Variants in CNTRL observed in about 807,000 individuals in gnomAD.
CNTRL encodes centriolin.
In CNTRL, 233 loss-of-function variants were observed where a neutral mutation model predicts 303.7. That is an observed-to-expected ratio of 0.77 (90% CI 0.69 to 0.86). CNTRL has a LOEUF of 0.86. Among genes scored for constraint, CNTRL ranks in the 40% least tolerant of loss-of-function variants. CNTRL has a pLI of 0.00. For missense variants in CNTRL, 2,524 were observed against 2,650.6 expected (o/e 0.95, Z 1.05); for synonymous variants, 900 against 922.2 (o/e 0.98, Z 0.44).
intron 2 of CNTRL, among the ~76,000 whole-genome samples, chr9:121,083,801 G>A (rs984725725): frequency 1.3e-5 from 2 of 152,206 alleles, no homozygotes; most frequent in Non-Finnish European, 2.9e-5. Flanking sequence ...TGAGTAATGT[G>A]TAGCACTATG....
At chr9:121,078,371 G>A (rs1399690158) in intron 1 of CNTRL, among the ~76,000 whole-genome samples, 2 of 151,390 alleles carry the variant, frequency 1.3e-5, no homozygotes, top group Admixed American at 6.6e-5. Flanking sequence ...TCACACCACC[G>A]CACTCCAGCC....
chr9:121,152,619 T>A lies in CNTRL; in HGVS notation c.4098T>A (p.Leu1366=). Residue 1366 remains leucine (L), a synonymous_variant, in exon 26 of 44, where the codon CTT becomes CTA. Transcript: ENST00000373855. ...MEELHHNIDD[L]LQEKKSLECE... is the part of the protein sequence containing the mutation. Reference sequence around the variant, plus strand: ...AACTGCATCATAATATTGATGATCTTTTGCAAGAGAAGAAAAGCTTAGAGT... The same window carrying A: ...AACTGCATCATAATATTGATGATCTATTGCAAGAGAAGAAAAGCTTAGAGT... The A allele has an allele frequency of 6.2e-7, 1 of 1,614,072 alleles. No homozygotes were observed. The highest frequency in any genetic ancestry group is 8.5e-7 in the Non-Finnish European group (1 of 1,179,952).
chr9:121,094,449 ACC>A (rs1404757207), intron 4 of CNTRL, among the ~76,000 whole-genome samples: 7 of 152,188 alleles, frequency 4.6e-5, no homozygotes, highest in African/African-American at 1.7e-4. Flanking sequence ...TGAGGGCAGA[ACC>A]CTCATAACCT....
intron 11 of CNTRL, among the ~76,000 whole-genome samples, chr9:121,115,980 A>G (rs896123689): frequency 7.2e-5 from 11 of 152,214 alleles, no homozygotes; most frequent in Non-Finnish European, 1.5e-5. Context: ...TGATTAATGA[A>G]CAAAATAGAC....
intron 1 of CNTRL, among the ~76,000 whole-genome samples, chr9:121,076,616 T>C (rs1245892799): frequency 6.6e-6 from 1 of 151,906 alleles, no homozygotes; most frequent in Non-Finnish European, 1.5e-5. Context: ...GAAAGAACCA[T>C]AGAGAAATGG....
At chr9:121,130,759 G>T (rs1185129941) in intron 14 of CNTRL, among the ~76,000 whole-genome samples, 2 of 152,164 alleles carry the variant, frequency 1.3e-5, no homozygotes, top group African/African-American at 2.4e-5. Context: ...GCTTTCTCTT[G>T]TGGGCATTTA....
In CNTRL at chr9:121,141,197, AGAG is replaced by A. The variant is rs2051489923; in HGVS notation, c.2484-183_2484-181del. On this transcript the variant is annotated intron_variant, in intron 17 of 43. Coordinates refer to ENST00000373855, the MANE Select transcript of CNTRL (RefSeq NM_007018.6). The stretch of plus-strand genomic sequence containing the variant: ...TAGCCTGATATGAGCCTATGTTTTC[AGAG>A]TGGCAGCAGTCATTTGATAAAGCAA... Among the ~76,000 whole-genome samples the A allele has an allele frequency of 2.6e-5, 4 of 152,360 alleles. No individual in the cohort carries two copies. In the South Asian group the frequency reaches 8.3e-4, roughly 32 times the overall value.
intron 23 of CNTRL, among the ~76,000 whole-genome samples, chr9:121,147,879 CA>C (rs1453918148): frequency 1.3e-5 from 2 of 152,160 alleles, no homozygotes; most frequent in African/African-American, 2.4e-5. Context: ...TAGAGCAAAA[CA>C]TATAAGCCTG....
chr9:121,130,940 T>A (rs1224999908), intron 14 of CNTRL, among the ~76,000 whole-genome samples: 1 of 152,178 alleles, frequency 6.6e-6, no homozygotes, highest in Non-Finnish European at 1.5e-5. Context: ...GTTGAGTGGT[T>A]TTGAGTGAGT....
intron 15 of CNTRL, among the ~76,000 whole-genome samples, chr9:121,136,233 G>GAT (rs2051184600): frequency 6.6e-6 from 1 of 152,098 alleles, no homozygotes; most frequent in South Asian, 2.1e-4. Flanking sequence ...TTATGGGGAA[G>GAT]ATAAATGAGA....
At position 121,150,468 on chromosome 9, in the gene CNTRL, T is replaced by C; in HGVS notation, c.3948T>C (p.Pro1316=). ...TGGGTGTGCTGCATTGCAACGTCCC[T>C]GAACACCATAACTTAGTAAGTGGAA... ...IPMGVLHCNV[P]EHHNLENEVS... The change falls in exon 25 of 44, where the codon CCT becomes CCC. Residue 1316 remains proline, a synonymous_variant. Coordinates refer to ENST00000373855, the MANE Select transcript of CNTRL (RefSeq NM_007018.6). 2 of 1,614,154 alleles carry C rather than the reference T, an allele frequency of 1.2e-6. No individual in the cohort carries two copies. Among genetic ancestry groups the C allele is most frequent in the Non-Finnish European group, 1.7e-6 (2 of 1,180,006 alleles).
intron 27 of CNTRL, among the ~76,000 whole-genome samples, chr9:121,157,017 A>G (rs2052607796): frequency 6.6e-6 from 1 of 152,224 alleles, no homozygotes. Context: ...TTGAAATAAA[A>G]AGCATCTTTA....
chr9:121,086,633 CTTTTTTTTTT>C (rs60828602), intron 2 of CNTRL, among the ~76,000 whole-genome samples: 3 of 119,210 alleles, frequency 2.5e-5, no homozygotes, highest in Admixed American at 8.4e-5. Flanking sequence ...GCTGGATTTA[CTTTTTTTTTT>C]TTTTTTTTTT....
chr9:121,106,717 C>T (rs2049493685), intron 7 of CNTRL, among the ~76,000 whole-genome samples: 1 of 152,096 alleles, frequency 6.6e-6, no homozygotes, highest in Non-Finnish European at 1.5e-5. Flanking sequence ...CTGTTTTGAC[C>T]TCCAAAAATG....
chr9:121,114,951 T>G (rs1230707231), intron 10 of CNTRL, 140 bp from the exon 11 acceptor site: 1 of 535,930 alleles, frequency 1.9e-6, no homozygotes, highest in Non-Finnish European at 3.3e-6. Flanking sequence ...GTAATTACTT[T>G]AAAATTTTTT....
intron 12 of CNTRL, among the ~76,000 whole-genome samples, chr9:121,121,016 A>G (rs2050200129): frequency 6.6e-6 from 1 of 152,224 alleles, no homozygotes; most frequent in South Asian, 2.1e-4. Context: ...TTAGGCTACA[A>G]AATGTGAGCC....
At chr9:121,104,012 A>G (rs1239553326) in intron 7 of CNTRL, among the ~76,000 whole-genome samples, 3 of 152,246 alleles carry the variant, frequency 2.0e-5, no homozygotes, top group Admixed American at 6.5e-5. Context: ...TGACCCAGCC[A>G]TCCCATTACT....
chr9:121,177,057 G>GT, intron 43 of CNTRL, 106 bp from the exon 44 acceptor site: 2 of 792,842 alleles, frequency 2.5e-6, no homozygotes, highest in South Asian at 1.7e-5. Context: ...TTCCAAAGAG[G>GT]TACTCAAATA....
intron 26 of CNTRL, among the ~76,000 whole-genome samples, chr9:121,153,927 AT>A (rs1181268603): frequency 1.3e-5 from 2 of 152,126 alleles, no homozygotes; most frequent in Non-Finnish European, 2.9e-5. Flanking sequence ...GCAGATGGTT[AT>A]GTCTGTTATT....
Sources: gnomAD v4.1 joint callset for allele counts (sites outside exome capture counted in the v4.1 genomes callset) on GRCh38, gnomAD v4.1.1 for gene constraint, MANE v1.5 for transcripts, NCBI Gene and HGNC (gene_info 2026-07-23, HGNC 2026-07-21) for gene names.